The following FAM227B variants were observed in gnomAD, a reference collection of about 807,000 sequenced individuals.
FAM227B encodes family with sequence similarity 227 member B.
Under a neutral mutation model 73.8 loss-of-function variants are expected in FAM227B, and 88 were observed. That is an observed-to-expected ratio of 1.19 (90% CI 1.00 to 1.42). The LOEUF (loss-of-function observed/expected upper bound fraction) is 1.42. FAM227B is among the 40% of genes most tolerant of loss of function. FAM227B has a pLI of 0.00. For missense variants in FAM227B, 632 were observed against 590.9 expected, an observed-to-expected ratio of 1.07 and a Z score of -0.72; for synonymous variants, 210 against 190.5, an observed-to-expected ratio of 1.10 and a Z score of -0.84.
At chr15:49,591,337 T>C (rs1390587253) in intron 3 of FAM227B, among the ~76,000 whole-genome samples, 1 of 151,074 alleles carries the variant, frequency 6.6e-6, no homozygotes, top group African/African-American at 2.4e-5. Flanking sequence ...CCCAAAGTGC[T>C]GGGATTATAG....
chr15:49,395,991 G>T (rs367969648), intron 11 of FAM227B: 2 of 455,856 alleles, frequency 4.4e-6, no homozygotes, highest in Non-Finnish European at 8.8e-6. Flanking sequence ...TGGGGGCGAG[G>T]AGCCAAGATG....
intron 10 of FAM227B, among the ~76,000 whole-genome samples, chr15:49,537,229 AAAC>A (rs1358126526): frequency 6.6e-6 from 1 of 152,134 alleles, no homozygotes; most frequent in Non-Finnish European, 1.5e-5. Flanking sequence ...TCAAAGTAGA[AAAC>A]AACCCAATTA....
intron 11 of FAM227B, among the ~76,000 whole-genome samples, chr15:49,463,788 A>C (rs2054014953): frequency 1.3e-5 from 2 of 152,160 alleles, no homozygotes; most frequent in South Asian, 4.1e-4. Context: ...TGTTTATGGA[A>C]TAGATTCTGA....
At chr15:49,338,946 C>G (rs147689728) in intron 13 of FAM227B, among the ~76,000 whole-genome samples, 1 of 152,110 alleles carries the variant, frequency 6.6e-6, no homozygotes, top group Non-Finnish European at 1.5e-5. Flanking sequence ...GTATGCTTCA[C>G]GAAGTTCTCA....
At chr15:49,475,714 AC>A (rs1458515274) in intron 11 of FAM227B, among the ~76,000 whole-genome samples, 1 of 152,178 alleles carries the variant, frequency 6.6e-6, no homozygotes, top group Non-Finnish European at 1.5e-5. Context: ...TGGGGCGGGC[AC>A]GGTGGCTTAT....
chr15:49,367,386 G>T, intron 13 of FAM227B, 62 bp downstream of exon 13: 1 of 1,358,488 alleles, frequency 7.4e-7, no homozygotes. Context: ...GACATTCAGT[G>T]AAATGTTTTG....
intron 9 of FAM227B, among the ~76,000 whole-genome samples, chr15:49,549,522 G>C (rs986995078): frequency 6.6e-6 from 1 of 151,938 alleles, no homozygotes; most frequent in Non-Finnish European, 1.5e-5. Flanking sequence ...TAAGGGAGTG[G>C]TGATGACTCT....
intron 11 of FAM227B, among the ~76,000 whole-genome samples, chr15:49,457,483 T>C (rs890296304): frequency 1.3e-5 from 2 of 151,994 alleles, no homozygotes; most frequent in East Asian, 1.9e-4. Context: ...TTCAGTAAAA[T>C]ATAAATACTT....
chr15:49,600,350 C>CTT (rs373443382), intron 3 of FAM227B, among the ~76,000 whole-genome samples: 267 of 127,872 alleles, frequency 2.1e-3, no homozygotes, highest in African/African-American at 9.2e-3. Flanking sequence ...TTCTTTCTTT[C>CTT]TTTTTTTTTT....
chr15:49,545,943 T>C (rs2071779557), intron 9 of FAM227B, among the ~76,000 whole-genome samples: 1 of 33,370 alleles, frequency 3.0e-5, no homozygotes. Context: ...CAGGAGTAGC[T>C]ATTTTTTTTT....
chr15:49,556,035 T>G (rs2073635143), intron 9 of FAM227B, among the ~76,000 whole-genome samples: 1 of 152,238 alleles, frequency 6.6e-6, no homozygotes, highest in Non-Finnish European at 1.5e-5. Context: ...TAGGTTATTA[T>G]CGATGCATAT....
chr15:49,340,403 G>GCCCCCCCCCCCCCCCCCCCCCC (rs373386438), intron 13 of FAM227B, among the ~76,000 whole-genome samples: 2 of 94,378 alleles, frequency 2.1e-5, no homozygotes, highest in African/African-American at 3.9e-5. Context: ...GCAGTGCCCC[G>GCCCCCCCCCCCCCCCCCCCCCC]CCCCCCCCCT....
At chr15:49,350,238 TA>T (rs1195723643) in intron 13 of FAM227B, among the ~76,000 whole-genome samples, 1 of 152,214 alleles carries the variant, frequency 6.6e-6, no homozygotes, top group Non-Finnish European at 1.5e-5. Flanking sequence ...AATGAGCACT[TA>T]AAATGTGGCG....
chr15:49,452,066 G>A (rs1234757834), intron 11 of FAM227B, among the ~76,000 whole-genome samples: 2 of 151,094 alleles, frequency 1.3e-5, no homozygotes, highest in Non-Finnish European at 1.5e-5. Context: ...TTTTGAGATA[G>A]AGTCTTGCTC....
At position 49,527,171 on chromosome 15, in the gene FAM227B, T is replaced by A. The variant is rs145967915; in HGVS notation, c.874+14509A>T. Among the ~76,000 whole-genome samples, 26 of 151,822 alleles carry A rather than the reference T, an allele frequency of 1.7e-4. No homozygotes were observed. The East Asian group carries it at 4.6e-3, about 27-fold the overall frequency. On this transcript the variant is annotated intron_variant, in intron 10 of 15. Coordinates refer to ENST00000299338, the MANE Select transcript of FAM227B (RefSeq NM_152647.3). ...CCAGCAAACTGATTCCAACAGCACA[T>A]CCAAAAAGATAATGCATCACGGTCA...
chr15:49,550,252 G>A (rs1448448794), intron 9 of FAM227B, among the ~76,000 whole-genome samples: 2 of 144,032 alleles, frequency 1.4e-5, no homozygotes, highest in African/African-American at 2.6e-5. Context: ...TGGCCGGGCA[G>A]AGGGGCTCCT....
In FAM227B at chr15:49,385,153, T is replaced by TC. The variant is rs2046801208; in HGVS notation, c.1013-13755dup. ...AGGTTTCTTATCAGGGCAGGTTTTC[T>TC]CCTCTCCTATTTATTAGGAGAGTGG... On this transcript the variant is annotated intron_variant, in intron 11 of 15. Transcript: ENST00000299338. Among the ~76,000 whole-genome samples the TC allele has an allele frequency of 2.6e-5, 4 of 151,920 alleles. 1 individual carries two copies. The highest frequency in any genetic ancestry group is 9.7e-5 in the African/African-American group (4 of 41,408).
At chr15:49,436,348 T>C (rs998373480) in intron 11 of FAM227B, among the ~76,000 whole-genome samples, 26 of 151,738 alleles carry the variant, frequency 1.7e-4, no homozygotes, top group African/African-American at 6.0e-4. Context: ...ATTAACATCA[T>C]TGTATATTAA....
intron 10 of FAM227B, among the ~76,000 whole-genome samples, chr15:49,533,154 T>G (rs1346923264): frequency 6.6e-6 from 1 of 151,892 alleles, no homozygotes; most frequent in Non-Finnish European, 1.5e-5. Flanking sequence ...CTTGACCCAA[T>G]GGGTGTTCAG....
Sources: allele counts gnomAD v4.1 joint callset (sites outside exome capture counted in the v4.1 genomes callset), GRCh38; gene constraint gnomAD v4.1.1; transcripts MANE v1.5; gene names NCBI Gene and HGNC (gene_info 2026-07-23, HGNC 2026-07-21).